The following CNTN6 variants were observed in gnomAD, a reference collection of about 807,000 sequenced individuals.
CNTN6 encodes the protein contactin-6.
CNTN6 carries 137 observed loss-of-function variants against 122.8 expected under a neutral mutation model. That is an observed-to-expected ratio of 1.12 (90% CI 0.97 to 1.29). The LOEUF (loss-of-function observed/expected upper bound fraction) is 1.29, where lower values mean the gene tolerates loss of function less well. Among genes scored for constraint, CNTN6 ranks in the 50% most tolerant of loss-of-function variants. The probability of loss-of-function intolerance (pLI) is 0.00; values close to 1 mark genes in which losing one functional copy is unlikely to be tolerated. For synonymous variants in CNTN6, 570 were observed against 426.0 expected (o/e 1.34, Z -4.16); for missense variants, 1,634 against 1,223.4 (o/e 1.34, Z -5.01).
intron 4 of CNTN6, among the ~76,000 whole-genome samples, chr3:1,259,335 C>T (rs1260004187): frequency 6.6e-6 from 1 of 152,070 alleles, no homozygotes; most frequent in Non-Finnish European, 1.5e-5. Flanking sequence ...AGCTTCTAAC[C>T]ACTCTGCCAT....
chr3:1,245,284 TATATATATAAC>T (rs1388692658), intron 4 of CNTN6, among the ~76,000 whole-genome samples: 166 of 8,822 alleles, frequency 0.019, 11 homozygotes, highest in South Asian at 0.037. Context: ...TACACACACA[TATATATATAAC>T]ATATATATAT....
At chr3:1,352,924 T>A (rs773505669) in intron 12 of CNTN6, among the ~76,000 whole-genome samples, 3 of 151,788 alleles carry the variant, frequency 2.0e-5, no homozygotes, top group Non-Finnish European at 4.4e-5. Context: ...AGTAAGCAGT[T>A]CTTTTCAAAG....
intron 7 of CNTN6, among the ~76,000 whole-genome samples, chr3:1,300,233 G>A (rs1239617467): frequency 2.0e-5 from 3 of 152,042 alleles, no homozygotes; most frequent in East Asian, 1.9e-4. Flanking sequence ...TGATCCGCCC[G>A]ACTCAGCCTT....
At chr3:1,368,796 T>C (rs1010000267) in intron 12 of CNTN6, among the ~76,000 whole-genome samples, 12 of 152,210 alleles carry the variant, frequency 7.9e-5, no homozygotes, top group Admixed American at 7.2e-4. Flanking sequence ...CTATGAATCA[T>C]ACCCTAATTT....
intron 7 of CNTN6, among the ~76,000 whole-genome samples, chr3:1,303,778 T>A (rs9810079): frequency 0.67 from 101,490 of 151,800 alleles, 36,222 homozygotes; most frequent in East Asian, 1. Flanking sequence ...AATTGTGGTG[T>A]ATTTATTAAA....
intron 11 of CNTN6, among the ~76,000 whole-genome samples, chr3:1,348,936 A>G (rs1158140994): frequency 6.6e-6 from 1 of 151,998 alleles, no homozygotes; most frequent in African/African-American, 2.4e-5. Flanking sequence ...AGCCTCCATA[A>G]ATTTATAACA....
chr3:1,269,745 T>C (rs560452064), intron 4 of CNTN6, among the ~76,000 whole-genome samples: 43 of 152,298 alleles, frequency 2.8e-4, no homozygotes, highest in Admixed American at 4.6e-4. Context: ...GCTGGGCTGT[T>C]AGGGAAAAAC....
intron 11 of CNTN6, among the ~76,000 whole-genome samples, chr3:1,334,680 A>C (rs1702794360): frequency 6.6e-6 from 1 of 152,150 alleles, no homozygotes. Context: ...CAGAGTTTAC[A>C]GAGAGCCCTA....
At chr3:1,322,443 C>T (rs187399176) in intron 8 of CNTN6, among the ~76,000 whole-genome samples, 1 of 151,738 alleles carries the variant, frequency 6.6e-6, no homozygotes, top group East Asian at 1.9e-4. Flanking sequence ...TCTTACTTAA[C>T]ATTAAGTAAA....
At chr3:1,205,471 T>G (rs1195937744) in intron 2 of CNTN6, among the ~76,000 whole-genome samples, 1 of 152,216 alleles carries the variant, frequency 6.6e-6, no homozygotes, top group Admixed American at 6.5e-5. Flanking sequence ...TGACAGTCCT[T>G]GGTTTTCATC....
At chr3:1,392,537 A>G (rs1440221387) in intron 20 of CNTN6, among the ~76,000 whole-genome samples, 2 of 149,864 alleles carry the variant, frequency 1.3e-5, no homozygotes, top group Non-Finnish European at 3.0e-5. Context: ...AATGGCAACA[A>G]AAGACAAAAT....
At chr3:1,394,456 G>C (rs1694725951) in intron 20 of CNTN6, 2 of 158,074 alleles carry the variant, frequency 1.3e-5, no homozygotes, top group African/African-American at 4.8e-5. Flanking sequence ...GCCGAGCTGG[G>C]TGACGGGTTG....
At chr3:1,102,571 A>G (rs941482170) in intron 1 of CNTN6, among the ~76,000 whole-genome samples, 6 of 147,948 alleles carry the variant, frequency 4.1e-5, no homozygotes, top group Non-Finnish European at 6.0e-5. Flanking sequence ...TCTACTAAAA[A>G]TACAAAAATG....
At chr3:1,379,119 A>C (rs1710291393) in intron 17 of CNTN6, among the ~76,000 whole-genome samples, 1 of 152,134 alleles carries the variant, frequency 6.6e-6, no homozygotes. Flanking sequence ...AATTGCTTGT[A>C]CACAGTCTAT....
intron 6 of CNTN6, among the ~76,000 whole-genome samples, chr3:1,296,913 T>C (rs1354013888): frequency 2.0e-5 from 3 of 152,142 alleles, no homozygotes; most frequent in Admixed American, 2.0e-4. Flanking sequence ...TCCTTCCTTC[T>C]TCTATCCCCT....
At position 1,372,883 on chromosome 3, in the gene CNTN6, T is replaced by G. The variant is rs368290591; in HGVS notation, c.1714T>G (p.Ser572Ala). 1.2e-5 allele frequency: 20 copies of G among 1,610,344 alleles called. No individual in the cohort carries two copies. The highest frequency in any genetic ancestry group is 1.6e-5 in the Non-Finnish European group (19 of 1,177,812). Residue 572 changes from serine to alanine, a missense_variant, in exon 14 of 23, where the codon TCA becomes GCA. Ser to Ala is a moderately conservative substitution (Grantham distance 99). Transcript: ENST00000446702. ...GATAAGGAATATTCAGTTACATCAT[T>G]CAGGAAAATATCTCTGCACAGTACA... ...LMIRNIQLHH[S>A]GKYLCTVQTT...
rs111271550 is a variant in CNTN6, at chr3:1,201,489, C to A, written c.56-19198C>A. 2.1e-5 allele frequency among the ~76,000 whole-genome samples: 3 copies of A among 143,930 alleles called. No individual in the cohort carries two copies. The East Asian group carries it at 6.4e-4, about 31-fold the overall frequency. 94.4% of individuals were successfully genotyped at this position (143,930 alleles called of 152,430 possible). The stretch of plus-strand genomic sequence containing the variant: ...GAGAGTTGTCAAAAATATCATCACT[C>A]TCATTTTTCATATCCCAGCTTAACT... On this transcript the variant is annotated intron_variant, in intron 2 of 22. Coordinates refer to ENST00000446702, the MANE Select transcript of CNTN6 (RefSeq NM_001289080.2).
chr3:1,252,314 T>C (rs2094684706), intron 4 of CNTN6, among the ~76,000 whole-genome samples: 1 of 152,186 alleles, frequency 6.6e-6, no homozygotes. Context: ...TTAATTCTTA[T>C]TTTTGTGTGA....
chr3:1,316,410 G>A lies in CNTN6; in HGVS notation c.762-5240G>A, dbSNP rs549001400. Among the ~76,000 whole-genome samples, 40 of 151,906 alleles carry A rather than the reference G, an allele frequency of 2.6e-4. 1 individual carries two copies. Among genetic ancestry groups the A allele is most frequent in the African/African-American group, 9.4e-4 (39 of 41,484 alleles). On this transcript the variant is annotated intron_variant, in intron 7 of 22. Coordinates refer to ENST00000446702, the MANE Select transcript of CNTN6 (RefSeq NM_001289080.2). ...ATGGCTGGAGCAGAAGGAAGAGAGAGAGAGGGAAGGTGCTACACACCTTTA... is the reference window on the plus strand; with the variant it reads ...ATGGCTGGAGCAGAAGGAAGAGAGAAAGAGGGAAGGTGCTACACACCTTTA...
Sources: allele counts gnomAD v4.1 joint callset (sites outside exome capture counted in the v4.1 genomes callset), GRCh38; gene constraint gnomAD v4.1.1; transcripts MANE v1.5; gene names NCBI Gene and HGNC (gene_info 2026-07-23, HGNC 2026-07-21).